LYPLAL1: variants seen among roughly 807,000 people sequenced by gnomAD.
LYPLAL1 encodes lysophospholipase like 1.
A neutral mutation model predicts 19.7 loss-of-function variants in LYPLAL1; 23 were observed. The observed-to-expected ratio is 1.17, with a 90% CI of 0.84 to 1.65. The LOEUF (loss-of-function observed/expected upper bound fraction) is 1.65, where lower values mean the gene tolerates loss of function less well. Ranked by LOEUF, LYPLAL1 falls within the 40% of genes most tolerant of loss-of-function variation. The pLI is 0.00. For synonymous variants in LYPLAL1, 119 were observed against 96.3 expected (o/e 1.24, Z -1.38); for missense variants, 355 against 279.4 (o/e 1.27, Z -1.93).
At chr1:219,398,407 G>T in the LYPLAL1 span, among the ~76,000 whole-genome samples, 1 of 152,252 alleles carries the variant, frequency 6.6e-6, no homozygotes, top group South Asian at 2.1e-4. Context: ...ACTACAGGTT[G>T]GTTACATTCT....
the LYPLAL1 span, among the ~76,000 whole-genome samples, chr1:219,321,113 A>AT: frequency 9.2e-5 from 14 of 152,068 alleles, no homozygotes; most frequent in South Asian, 4.1e-4. Context: ...TTGTTTCCTG[A>AT]TTTTTTAATG....
At chr1:219,313,590 G>A in the LYPLAL1 span, among the ~76,000 whole-genome samples, 1 of 151,852 alleles carries the variant, frequency 6.6e-6, no homozygotes, top group Admixed American at 6.6e-5. Context: ...AGTGATGAGA[G>A]GCATGATCTT....
the LYPLAL1 span, among the ~76,000 whole-genome samples, chr1:219,427,721 G>A: frequency 1.3e-5 from 2 of 152,128 alleles, no homozygotes; most frequent in Non-Finnish European, 2.9e-5. Flanking sequence ...AGCATTACAA[G>A]AGTCTCTTGT....
rs370263410 is a variant in LYPLAL1 at position 219,173,922 on chromosome 1, G to A, written c.32G>A (p.Arg11His). The A allele has an allele frequency of 6.2e-6, 10 of 1,613,772 alleles. 1 individual carries two copies. Among genetic ancestry groups the A allele is most frequent in the East Asian group, 2.2e-5 (1 of 44,868 alleles). The change falls in exon 1 of 5, where the codon CGC (arginine) becomes CAC (histidine). Residue 11 changes from arginine (R) to histidine (H), a missense_variant. Arg to His is a conservative substitution (Grantham distance 29, BLOSUM62 0). Transcript: ENST00000366928. MAAASGSVLQ[R>H]CIVSPAGRHS... ...GCTGCGTCGGGGTCGGTTCTGCAGC[G>A]CTGTATCGTGTCGCCGGCAGGGAGG... is the stretch of plus-strand genomic sequence containing the variant.
the LYPLAL1 span, among the ~76,000 whole-genome samples, chr1:219,233,065 C>A: frequency 6.6e-6 from 1 of 152,144 alleles, no homozygotes; most frequent in East Asian, 1.9e-4. Context: ...GCAGGGTACA[C>A]CTATATTCAC....
the LYPLAL1 span, among the ~76,000 whole-genome samples, chr1:219,384,502 T>G: frequency 6.6e-6 from 1 of 152,210 alleles, no homozygotes; most frequent in Non-Finnish European, 1.5e-5. Flanking sequence ...TTATATATTC[T>G]TGTTTAGTGT....
At chr1:219,426,377 A>T in the LYPLAL1 span, among the ~76,000 whole-genome samples, 3 of 152,212 alleles carry the variant, frequency 2.0e-5, no homozygotes, top group East Asian at 3.9e-4. Context: ...TGTACTATTT[A>T]CATTAGAGAA....
the LYPLAL1 span, among the ~76,000 whole-genome samples, chr1:219,382,820 A>T: frequency 6.6e-6 from 1 of 152,208 alleles, no homozygotes; most frequent in Non-Finnish European, 1.5e-5. Context: ...GCCCAGCTAC[A>T]AATCAGAGAA....
At chr1:219,336,533 G>A in the LYPLAL1 span, among the ~76,000 whole-genome samples, 1 of 151,790 alleles carries the variant, frequency 6.6e-6, no homozygotes, top group African/African-American at 2.4e-5. Context: ...TGTTGCCATT[G>A]GGAACACTGC....
At chr1:219,381,914 A>G in the LYPLAL1 span, among the ~76,000 whole-genome samples, 3 of 152,204 alleles carry the variant, frequency 2.0e-5, no homozygotes, top group South Asian at 4.1e-4. Context: ...CATGGTCTGT[A>G]TGGATCTGTA....
chr1:219,189,335 A>T (rs74884850), intron 2 of LYPLAL1, among the ~76,000 whole-genome samples: 10,664 of 151,670 alleles, frequency 0.07, 498 homozygotes, highest in Non-Finnish European at 0.11. Flanking sequence ...TGAGTGTTGT[A>T]TTTTTGATAT....
chr1:219,399,728 G>A, the LYPLAL1 span, among the ~76,000 whole-genome samples: 6 of 152,132 alleles, frequency 3.9e-5, no homozygotes, highest in Non-Finnish European at 8.8e-5. Flanking sequence ...ACAAGGTGGG[G>A]TCCCAGGAGA....
At position 219,211,779 on chromosome 1, in the gene LYPLAL1, G is replaced by A. The variant is rs993312122; in HGVS notation, c.*51G>A. ...TAAGTGTAATGTCTTTGTGAAAAGTGATTTTTACTGCCAAATTATAATGAT... is the reference window on the plus strand; with the variant it reads ...TAAGTGTAATGTCTTTGTGAAAAGTAATTTTTACTGCCAAATTATAATGAT... On this transcript the variant is annotated 3_prime_UTR_variant, in exon 5 of 5. Transcript: ENST00000366928. 1.8e-6 allele frequency: 2 copies of A among 1,141,310 alleles called. No homozygotes were observed. The allele number at this position is 1,141,310 out of a possible 1,614,324, so 70.7% of individuals were successfully genotyped here. A position where few individuals can be genotyped will look rare whatever the true frequency, so the allele number is the denominator to read the frequency against.
At chr1:219,210,496 T>C (rs749729372) in intron 3 of LYPLAL1, 36 bp from the exon 4 acceptor site, 1 of 1,174,168 alleles carries the variant, frequency 8.5e-7, no homozygotes, top group Non-Finnish European at 1.2e-6. Flanking sequence ...ATTATTATTT[T>C]ATGTATTCTA....
At chr1:219,195,866 C>T (rs1657557787) in intron 3 of LYPLAL1, among the ~76,000 whole-genome samples, 1 of 151,982 alleles carries the variant, frequency 6.6e-6, no homozygotes, top group Non-Finnish European at 1.5e-5. Context: ...TGACAGGCCC[C>T]AGTGTGTGTT....
the LYPLAL1 span, among the ~76,000 whole-genome samples, chr1:219,436,303 G>C: frequency 6.6e-6 from 1 of 152,158 alleles, no homozygotes; most frequent in East Asian, 1.9e-4. Context: ...CTTTGTATTT[G>C]TGGGCCCCCT....
chr1:219,411,039 G>A, the LYPLAL1 span, among the ~76,000 whole-genome samples: 4 of 152,232 alleles, frequency 2.6e-5, no homozygotes, highest in Admixed American at 6.5e-5. Context: ...GAATGCGAGC[G>A]CACGGCACAG....
At chr1:219,330,663 C>A in the LYPLAL1 span, among the ~76,000 whole-genome samples, 1 of 152,294 alleles carries the variant, frequency 6.6e-6, no homozygotes, top group East Asian at 1.9e-4. Context: ...TAAATACATT[C>A]AACAAAATAA....
chr1:219,345,408 C>G, the LYPLAL1 span, among the ~76,000 whole-genome samples: 2 of 152,262 alleles, frequency 1.3e-5, no homozygotes, highest in African/African-American at 2.4e-5. Context: ...TCTCCCTTAC[C>G]AGAAAGCTGC....
Sources: gnomAD v4.1 joint callset for allele counts (sites outside exome capture counted in the v4.1 genomes callset) on GRCh38, gnomAD v4.1.1 for gene constraint, MANE v1.5 for transcripts, NCBI Gene and HGNC (gene_info 2026-07-23, HGNC 2026-07-21) for gene names.